The following MTMR14 variants were observed in gnomAD, a reference collection of about 807,000 sequenced individuals.
MTMR14 encodes the protein myotubularin related protein 14.
A neutral mutation model predicts 86.3 loss-of-function variants in MTMR14; 48 were observed. The observed-to-expected ratio is 0.56, with a 90% CI of 0.44 to 0.71. The LOEUF is 0.71. MTMR14 is among the 30% of genes least tolerant of loss of function. The pLI is 0.00. For synonymous variants in MTMR14, 366 were observed against 326.1 expected (o/e 1.12, Z -1.32); for missense variants, 780 against 834.6 (o/e 0.93, Z 0.81).
At chr3:9,696,323 C>T (rs1284383092) in intron 17 of MTMR14, among the ~76,000 whole-genome samples, 1 of 152,112 alleles carries the variant, frequency 6.6e-6, no homozygotes, top group Non-Finnish European at 1.5e-5. Flanking sequence ...CATGGTGAAA[C>T]CCTATCTCTA....
chr3:9,684,698 T>C (rs1249469512), intron 11 of MTMR14, 28 bp downstream of exon 11: 1 of 1,612,372 alleles, frequency 6.2e-7, no homozygotes, highest in South Asian at 1.1e-5. Flanking sequence ...CCTACCAAGC[T>C]CTGCTCTTTG....
rs774102625 is a variant in MTMR14, at chr3:9,669,454, A to G, written c.516A>G (p.Ala172=). 1 of 1,613,968 alleles carries G rather than the reference A, an allele frequency of 6.2e-7. No individual in the cohort carries two copies. The highest frequency in any genetic ancestry group is 8.5e-7 in the Non-Finnish European group (1 of 1,179,900). ...FFSGGADDAW[A]DVEDVTEEDC... ...CAGGGGGTGCAGATGATGCCTGGGCAGATGTGGAGGACGTCACGGAGGAGG... is the reference window on the plus strand; with the variant it reads ...CAGGGGGTGCAGATGATGCCTGGGCGGATGTGGAGGACGTCACGGAGGAGG... The change falls in exon 5 of 19, where the codon GCA becomes GCG. Residue 172 remains alanine, a synonymous_variant. Transcript: ENST00000296003.
chr3:9,653,557 C>T (rs1404934862), intron 1 of MTMR14, 64 bp from the exon 2 acceptor site: 20 of 1,607,122 alleles, frequency 1.2e-5, no homozygotes, highest in Non-Finnish European at 1.2e-5. Context: ...GGCCATGGAC[C>T]TCCTAATTCT....
At position 9,677,861 on chromosome 3, in the gene MTMR14, A is replaced by G. The variant is rs1188050614; in HGVS notation, c.823-123A>G. On this transcript the variant is annotated intron_variant, in intron 8 of 18. Transcript: ENST00000296003. The surrounding 1 kb of genome is among the most constrained non-coding windows in gnomAD (Gnocchi z 4.2). Reference sequence around the variant, plus strand: ...GCTGTCACTCCCAGGTAGCACAGGTATCTGGCCCAGAGAAGGCAAGCACTG... The same window carrying G: ...GCTGTCACTCCCAGGTAGCACAGGTGTCTGGCCCAGAGAAGGCAAGCACTG... The G allele has an allele frequency of 1.3e-6, 1 of 782,842 alleles. No homozygotes were observed. Among genetic ancestry groups the G allele is most frequent in the Admixed American group, 2.3e-5 (1 of 43,216 alleles). 48.5% of individuals were successfully genotyped at this position (782,842 alleles called of 1,614,324 possible). A position where few individuals can be genotyped will look rare whatever the true frequency, so the allele number is the denominator to read the frequency against.
In MTMR14 at chr3:9,678,057, A is replaced by C; in HGVS notation, c.896A>C (p.Gln299Pro). 1 of 1,613,962 alleles carries C rather than the reference A, an allele frequency of 6.2e-7. No homozygotes were observed. The highest frequency in any genetic ancestry group is 8.5e-7 in the Non-Finnish European group (1 of 1,179,968). ...HSLNIDWSQYQCWDLVQQTQN... is the reference protein window; with the variant it reads ...HSLNIDWSQYPCWDLVQQTQN... The stretch of plus-strand genomic sequence containing the variant: ...CTGAACATTGACTGGAGCCAGTATC[A>C]GGTGAGGGGCCTGACTCAAGCATTG... Residue 299 changes from glutamine to proline, a missense_variant and splice_region_variant, in exon 9 of 19, where the codon CAG becomes CCG. Transcript: ENST00000296003.
intron 3 of MTMR14, among the ~76,000 whole-genome samples, chr3:9,668,050 CTA>C (rs2048353134): frequency 6.6e-6 from 1 of 152,138 alleles, no homozygotes; most frequent in Non-Finnish European, 1.5e-5. Flanking sequence ...TCAGCAAACA[CTA>C]TTTATTTTAA....
chr3:9,672,631 G>A, intron 6 of MTMR14, 54 bp from the exon 7 acceptor site: 3 of 1,407,074 alleles, frequency 2.1e-6, no homozygotes, highest in Non-Finnish European at 3.0e-6. Context: ...GGGGAATGGT[G>A]TGTGTTTGTG....
chr3:9,663,563 G>A (rs959676097), intron 3 of MTMR14, among the ~76,000 whole-genome samples: 3 of 139,120 alleles, frequency 2.2e-5, no homozygotes, highest in African/African-American at 8.1e-5. Context: ...GCCCAGGCTG[G>A]AGTGCAGTGG....
At position 9,701,219 on chromosome 3, in the gene MTMR14, C is replaced by G. The variant is rs774498928; in HGVS notation, c.1770-571C>G. ...AGAGAGCTGCTGGGGCAAATTCCCT[C>G]CTGCTTAGCTACCCTCCTTCCCAGT... On this transcript the variant is annotated intron_variant, in intron 18 of 18. Coordinates refer to ENST00000296003, the MANE Select transcript of MTMR14 (RefSeq NM_001077525.3). This position sits in a 1 kb window ranked among gnomAD's most constrained non-coding sequence, Gnocchi z 4.2. 6.1e-6 allele frequency: 1 copy of G among 163,640 alleles called. No individual in the cohort carries two copies. The allele number at this position is 163,640 out of a possible 1,614,324, so 10.1% of individuals were successfully genotyped here.
chr3:9,687,719 G>T, intron 13 of MTMR14, 102 bp from the exon 14 acceptor site: 1 of 909,262 alleles, frequency 1.1e-6, no homozygotes, highest in Non-Finnish European at 1.7e-6. Flanking sequence ...CAGCAGGGCC[G>T]CTCTCCAGCA....
intron 17 of MTMR14, among the ~76,000 whole-genome samples, chr3:9,693,715 G>T (rs1326400455): frequency 6.6e-6 from 1 of 152,232 alleles, no homozygotes; most frequent in Non-Finnish European, 1.5e-5. Flanking sequence ...GAGTGGACCT[G>T]TGCAGTTCAT....
chr3:9,657,254 A>G (rs574980130), intron 2 of MTMR14, among the ~76,000 whole-genome samples: 84 of 152,220 alleles, frequency 5.5e-4, no homozygotes, highest in African/African-American at 2.0e-3. Flanking sequence ...TCAACTGGGG[A>G]TCTTTCTACA....
At chr3:9,669,535 G>A (rs1177498241) in intron 5 of MTMR14, 43 bp downstream of exon 5, 2 of 1,595,268 alleles carry the variant, frequency 1.3e-6, no homozygotes, top group South Asian at 2.2e-5. Context: ...TGTTGGGGAT[G>A]GGGTGTCTGG....
At chr3:9,649,777 C>T (rs1172611746) in intron 1 of MTMR14, 35 bp downstream of exon 1, 4 of 1,611,338 alleles carry the variant, frequency 2.5e-6, no homozygotes, top group Admixed American at 1.7e-5. Context: ...GGGGAAGGCT[C>T]CTAACTTGGG....
intron 10 of MTMR14, chr3:9,683,558 A>G (rs2075840423): frequency 5.5e-6 from 2 of 360,442 alleles, no homozygotes; most frequent in Non-Finnish European, 1.1e-5. Context: ...CTCATTCAGA[A>G]AGATGAGGCA....
chr3:9,684,762 A>G (rs1187805359), intron 11 of MTMR14, 92 bp downstream of exon 11: 1 of 1,551,450 alleles, frequency 6.4e-7, no homozygotes, highest in Non-Finnish European at 8.9e-7. Context: ...GCCATCGCTC[A>G]GAGCAGATGT....
rs1163147376 is a variant in MTMR14, at chr3:9,687,851, C to G, written c.1195C>G (p.His399Asp). The G allele has an allele frequency of 4.4e-6, 7 of 1,585,898 alleles. No homozygotes were observed. Among genetic ancestry groups the G allele is most frequent in the East Asian group, 2.3e-5 (1 of 44,430 alleles). ...CTTCTTCTGCTTCAATTTTTTGAAGCATATTACCTCCGAGGAGTTCTCTGC... is the reference window on the plus strand; with the variant it reads ...CTTCTTCTGCTTCAATTTTTTGAAGGATATTACCTCCGAGGAGTTCTCTGC... ...IFFFCFNFLKHITSEEFSALK... is the reference protein window; with the variant it reads ...IFFFCFNFLKDITSEEFSALK... Residue 399 changes from histidine (H) to aspartate (D), a missense_variant, in exon 14 of 19, where the codon CAT (histidine) becomes GAT (aspartate). Physicochemically the swap from His to Asp is moderately conservative, Grantham distance 81. Coordinates refer to ENST00000296003, the MANE Select transcript of MTMR14 (RefSeq NM_001077525.3).
At chr3:9,659,919 C>T in intron 2 of MTMR14, 1 of 441,498 alleles carries the variant, frequency 2.3e-6, no homozygotes, top group South Asian at 1.6e-5. Flanking sequence ...AGAAATCCAC[C>T]TTGGTTTTGA....
chr3:9,683,231 A>G lies in MTMR14; in HGVS notation c.951A>G (p.Leu317=). 1 of 1,614,156 alleles carries G rather than the reference A, an allele frequency of 6.2e-7. No individual in the cohort carries two copies. Among genetic ancestry groups the G allele is most frequent in the Non-Finnish European group, 8.5e-7 (1 of 1,180,010 alleles). ...ACTACCTGAAGCTGCTGCTTTCCTT[A>G]GTTAACAGTGATGGTGAGTCTGTCT... ...TQNYLKLLLS[L]VNSDDDSGLL... Residue 317 remains leucine, a synonymous_variant, in exon 10 of 19, where the codon TTA becomes TTG. Transcript: ENST00000296003.
Sources: gnomAD v4.1 joint callset for allele counts (sites outside exome capture counted in the v4.1 genomes callset) on GRCh38, gnomAD v4.1.1 for gene constraint, Gnocchi (gnomAD v3.1) non-coding constraint, MANE v1.5 for transcripts, NCBI Gene and HGNC (gene_info 2026-07-23, HGNC 2026-07-21) for gene names.